Variants in LRRTM4 observed in about 807,000 individuals in gnomAD.
LRRTM4 encodes leucine-rich repeat transmembrane neuronal protein 4.
LRRTM4 carries 25 observed loss-of-function variants against 47.6 expected under a neutral mutation model. The ratio of observed to expected loss-of-function variants is 0.53; its 90% CI spans 0.38 to 0.73. The LOEUF (loss-of-function observed/expected upper bound fraction) is 0.73. LRRTM4 is among the 30% of genes least tolerant of loss of function. LRRTM4 has a pLI of 0.00. For missense variants in LRRTM4, 638 were observed against 713.4 expected (o/e 0.89, Z 1.20); for synonymous variants, 311 against 269.5 (o/e 1.15, Z -1.51).
intron 3 of LRRTM4, among the ~76,000 whole-genome samples, chr2:76,878,897 G>A (rs951034981): frequency 2.5e-4 from 38 of 152,024 alleles, no homozygotes; most frequent in Admixed American, 1.3e-3. Context: ...AAGTGAAACA[G>A]CCTTACTGCT....
chr2:77,105,625 G>A (rs541441398), intron 3 of LRRTM4, among the ~76,000 whole-genome samples: 39 of 152,026 alleles, frequency 2.6e-4, no homozygotes, highest in African/African-American at 6.3e-4. Context: ...TAACCTGCAC[G>A]TTGTGCACAT....
At chr2:77,111,420 C>T (rs1409274235) in intron 3 of LRRTM4, among the ~76,000 whole-genome samples, 1 of 151,908 alleles carries the variant, frequency 6.6e-6, no homozygotes, top group African/African-American at 2.4e-5. Context: ...AGCCACCGCG[C>T]CTGGCCAATA....
chr2:77,118,097 C>T (rs1255818112), intron 3 of LRRTM4, among the ~76,000 whole-genome samples: 2 of 151,860 alleles, frequency 1.3e-5, no homozygotes, highest in Non-Finnish European at 1.5e-5. Flanking sequence ...TCTGCCTCTT[C>T]ATCACACTGA....
intron 3 of LRRTM4, among the ~76,000 whole-genome samples, chr2:77,002,932 C>T (rs982349675): frequency 2.0e-5 from 3 of 152,030 alleles, no homozygotes; most frequent in Admixed American, 6.6e-5. Context: ...TACTTGTTTG[C>T]TAGTTTTCTG....
intron 3 of LRRTM4, among the ~76,000 whole-genome samples, chr2:76,791,228 A>T (rs1445065398): frequency 6.6e-6 from 1 of 152,156 alleles, no homozygotes; most frequent in African/African-American, 2.4e-5. Context: ...CAAAACCCTA[A>T]CGTGACTCAA....
chr2:76,887,525 T>C (rs576580002), intron 3 of LRRTM4, among the ~76,000 whole-genome samples: 1 of 150,602 alleles, frequency 6.6e-6, no homozygotes, highest in Non-Finnish European at 1.5e-5. Flanking sequence ...ATCATATATG[T>C]GATTTTTTAT....
At chr2:76,832,591 A>G (rs1228299168) in intron 3 of LRRTM4, among the ~76,000 whole-genome samples, 2 of 151,776 alleles carry the variant, frequency 1.3e-5, no homozygotes, top group Admixed American at 1.3e-4. Context: ...CATTTTCTCA[A>G]CACATATCCA....
intron 3 of LRRTM4, among the ~76,000 whole-genome samples, chr2:76,838,113 AG>A (rs1671570451): frequency 1.5e-5 from 1 of 66,552 alleles, no homozygotes; most frequent in African/African-American, 5.0e-5. Context: ...AAAGAATGGA[AG>A]AAGAAGAAAA....
rs1267008188 is a variant in LRRTM4 at position 77,518,625 on chromosome 2, T to C, written c.1244A>G (p.Gln415Arg). ...GTGAAATGAAACATGCTCATACTCT[T>C]GCTCTGCGCCAGGAATCTGAAACCC... The part of the protein sequence containing the change: ...SPGFQIPGAE[Q>R]EYEHVSFHKI... Residue 415 changes from glutamine (Q) to arginine (R), a missense_variant, in exon 3 of 4, where the codon CAA becomes CGA. Gln to Arg is a conservative substitution (Grantham distance 43, BLOSUM62 1). Transcript: ENST00000409884. 1.2e-6 allele frequency: 2 copies of C among 1,613,442 alleles called. No homozygotes were observed. The highest frequency in any genetic ancestry group is 8.5e-7 in the Non-Finnish European group (1 of 1,179,616).
At chr2:77,027,221 C>T (rs1466997307) in intron 3 of LRRTM4, among the ~76,000 whole-genome samples, 1 of 151,940 alleles carries the variant, frequency 6.6e-6, no homozygotes, top group Non-Finnish European at 1.5e-5. Flanking sequence ...CTCTTCATAC[C>T]AGAGGAAATG....
chr2:77,316,079 T>A (rs1677609763), intron 3 of LRRTM4, among the ~76,000 whole-genome samples: 1 of 152,212 alleles, frequency 6.6e-6, no homozygotes, highest in Admixed American at 6.5e-5. Context: ...AACTTCTGTC[T>A]GTCCATCTTG....
chr2:76,900,964 CTCTT>C (rs1362085597), intron 3 of LRRTM4, among the ~76,000 whole-genome samples: 1 of 147,852 alleles, frequency 6.8e-6, no homozygotes, highest in South Asian at 2.1e-4. Context: ...ATTTCTTTCT[CTCTT>C]TTTTTGGAGT....
intron 3 of LRRTM4, among the ~76,000 whole-genome samples, chr2:77,303,990 A>T (rs1018331319): frequency 2.0e-5 from 3 of 152,120 alleles, no homozygotes; most frequent in Non-Finnish European, 2.9e-5. Context: ...GGATTGCTGG[A>T]TTATATGATC....
intron 3 of LRRTM4, among the ~76,000 whole-genome samples, chr2:77,511,777 C>T (rs1055600926): frequency 1.3e-4 from 20 of 152,072 alleles, no homozygotes; most frequent in African/African-American, 4.1e-4. Context: ...TATGTATCAG[C>T]TTTGCTGTCA....
chr2:77,358,862 T>C (rs1672071391), intron 3 of LRRTM4, among the ~76,000 whole-genome samples: 1 of 152,204 alleles, frequency 6.6e-6, no homozygotes, highest in African/African-American at 2.4e-5. Flanking sequence ...CAATTGTGTA[T>C]GGTGGCAGAT....
intron 3 of LRRTM4, among the ~76,000 whole-genome samples, chr2:77,397,300 C>A (rs1450252201): frequency 6.6e-6 from 1 of 151,706 alleles, no homozygotes; most frequent in African/African-American, 2.4e-5. Context: ...TATTTTCAGG[C>A]ATTTCAGTCC....
intron 3 of LRRTM4, among the ~76,000 whole-genome samples, chr2:76,877,870 A>G (rs1217632719): frequency 6.6e-6 from 1 of 152,098 alleles, no homozygotes; most frequent in Non-Finnish European, 1.5e-5. Flanking sequence ...TAATCTGTAT[A>G]ACAGGTATTC....
At chr2:77,142,929 C>A (rs1672163352) in intron 3 of LRRTM4, among the ~76,000 whole-genome samples, 1 of 152,108 alleles carries the variant, frequency 6.6e-6, no homozygotes, top group Non-Finnish European at 1.5e-5. Context: ...ATGTATGAAT[C>A]TAAGTTTTTA....
intron 3 of LRRTM4, among the ~76,000 whole-genome samples, chr2:77,354,543 T>C (rs1227921126): frequency 3.3e-5 from 5 of 152,028 alleles, no homozygotes; most frequent in Admixed American, 3.3e-4. Flanking sequence ...TTGAAACCAG[T>C]CATCATGGGC....
Sources: gnomAD v4.1 joint callset for allele counts (sites outside exome capture counted in the v4.1 genomes callset) on GRCh38, gnomAD v4.1.1 for gene constraint, MANE v1.5 for transcripts, NCBI Gene and HGNC (gene_info 2026-07-23, HGNC 2026-07-21) for gene names.